PTPN14: variants seen among roughly 807,000 people sequenced by gnomAD.
PTPN14 encodes tyrosine-protein phosphatase non-receptor type 14.
PTPN14 carries 53 observed loss-of-function variants against 126.8 expected under a neutral mutation model. The observed-to-expected ratio is 0.42, with a 90% CI of 0.34 to 0.53. PTPN14 has a LOEUF of 0.53. PTPN14 is among the 20% of genes least tolerant of loss of function. The pLI is 0.08. For synonymous variants in PTPN14, 630 were observed against 599.3 expected, an observed-to-expected ratio of 1.05 and a Z score of -0.75; for missense variants, 1,257 against 1,552.9, an observed-to-expected ratio of 0.81 and a Z score of 3.20.
intron 5 of PTPN14, among the ~76,000 whole-genome samples, chr1:214,405,850 T>C (rs1571979362): frequency 6.6e-6 from 1 of 152,170 alleles, no homozygotes; most frequent in African/African-American, 2.4e-5. Flanking sequence ...TTCTCATTTT[T>C]AGATGAGAAA....
rs900595270 is a variant in PTPN14, at chr1:214,354,716, C to T, written c.*3206G>A. On this transcript the variant is annotated 3_prime_UTR_variant, in exon 19 of 19. Transcript: ENST00000366956. Reference sequence around the variant, plus strand: ...ACCAAACAGTTCAACTGGAAAACCTCGAAAACAGCGGCTGGAAAATGTTTG... The same window carrying T: ...ACCAAACAGTTCAACTGGAAAACCTTGAAAACAGCGGCTGGAAAATGTTTG... The T allele has an allele frequency of 4.6e-5, 7 of 152,176 alleles. No homozygotes were observed. Among genetic ancestry groups the T allele is most frequent in the African/African-American group, 9.7e-5 (4 of 41,448 alleles). The allele number at this position is 152,176 out of a possible 1,614,324, so 9.4% of individuals were successfully genotyped here.
chr1:214,484,303 C>G (rs980729991), intron 1 of PTPN14, among the ~76,000 whole-genome samples: 1 of 152,174 alleles, frequency 6.6e-6, no homozygotes, highest in African/African-American at 2.4e-5. Context: ...CCTCAGGAAG[C>G]TGGGGCAAGA....
intron 3 of PTPN14, among the ~76,000 whole-genome samples, chr1:214,444,199 C>T (rs1006332190): frequency 4.6e-5 from 7 of 152,212 alleles, no homozygotes; most frequent in Non-Finnish European, 8.8e-5. Flanking sequence ...TCACATTGTA[C>T]ATTACATTAA....
Position 214,384,634 on chromosome 1 carries a change from G to C in PTPN14, c.1221C>G (p.Ser407=). ...GGATACTGAGGTTGGAGGATACAGG[G>C]GAGGCCTGGATGAAACTTTGCGAGC... The part of the protein sequence containing the change: ...LNCSQSFIQA[S]PVSSNLSIPG... The change falls in exon 13 of 19, where the codon TCC becomes TCG. Residue 407 remains serine (S), a synonymous_variant. Coordinates refer to ENST00000366956, the MANE Select transcript of PTPN14 (RefSeq NM_005401.5). This position sits in a 1 kb window ranked among gnomAD's most constrained non-coding sequence, Gnocchi z 5.3. The C allele has an allele frequency of 6.2e-7, 1 of 1,614,170 alleles. No homozygotes were observed. Among genetic ancestry groups the C allele is most frequent in the Non-Finnish European group, 8.5e-7 (1 of 1,180,032 alleles).
At chr1:214,413,148 A>G (rs1034427772) in intron 4 of PTPN14, among the ~76,000 whole-genome samples, 1 of 152,148 alleles carries the variant, frequency 6.6e-6, no homozygotes, top group African/African-American at 2.4e-5. Flanking sequence ...AAGTGCTGGG[A>G]TTATAGGCAT....
intron 1 of PTPN14, among the ~76,000 whole-genome samples, chr1:214,517,219 T>G (rs1655125597): frequency 6.6e-6 from 1 of 152,222 alleles, no homozygotes; most frequent in South Asian, 2.1e-4. Flanking sequence ...TCCATTTCTG[T>G]GAAGGCATGG....
chr1:214,463,475 C>G (rs1045615027), intron 2 of PTPN14, among the ~76,000 whole-genome samples: 1 of 152,146 alleles, frequency 6.6e-6, no homozygotes, highest in Non-Finnish European at 1.5e-5. Context: ...ATCACTGAAA[C>G]CAAAGTATAA....
intron 3 of PTPN14, among the ~76,000 whole-genome samples, chr1:214,449,092 C>T (rs922604740): frequency 7.5e-5 from 11 of 146,068 alleles, no homozygotes; most frequent in Non-Finnish European, 1.6e-4. Flanking sequence ...CTGCAAGCTC[C>T]GCCTCTTGGG....
At chr1:214,368,745 G>A (rs925405798) in intron 17 of PTPN14, among the ~76,000 whole-genome samples, 36 of 152,266 alleles carry the variant, frequency 2.4e-4, no homozygotes, top group African/African-American at 8.7e-4. Flanking sequence ...CAATTTGGGA[G>A]GCTGATGCGG....
chr1:214,485,598 C>T (rs1418484725), intron 1 of PTPN14, among the ~76,000 whole-genome samples: 1 of 152,214 alleles, frequency 6.6e-6, no homozygotes, highest in Non-Finnish European at 1.5e-5. Context: ...ACCTAGACTT[C>T]CAACTCCTCA....
At chr1:214,478,542 G>GA (rs34423266) in intron 1 of PTPN14, among the ~76,000 whole-genome samples, 23 of 150,846 alleles carry the variant, frequency 1.5e-4, no homozygotes, top group Admixed American at 2.6e-4. Flanking sequence ...ATTGTATTTG[G>GA]AAAAAAAACA....
rs368077833 is a variant in PTPN14 at position 214,384,556 on chromosome 1, C to G, written c.1299G>C (p.Ala433=). The part of the protein sequence containing the change: ...ADYIPSHRHS[A]IIVPSYRPTP... ...TTGGCCTGTACGAGGGCACGATGAT[C>G]GCGCTGTGCCGGTGGCTCGGGATGT... The change falls in exon 13 of 19, where the codon GCG becomes GCC. Residue 433 remains alanine (A), a synonymous_variant. Transcript: ENST00000366956. The surrounding 1 kb of genome is among the most constrained non-coding windows in gnomAD (Gnocchi z 5.3). 2 of 1,614,084 alleles carry G rather than the reference C, an allele frequency of 1.2e-6. No homozygotes were observed. Among genetic ancestry groups the G allele is most frequent in the South Asian group, 1.1e-5 (1 of 91,070 alleles).
intron 1 of PTPN14, among the ~76,000 whole-genome samples, chr1:214,494,794 G>T (rs978152423): frequency 6.6e-6 from 1 of 152,196 alleles, no homozygotes; most frequent in Admixed American, 6.5e-5. Context: ...GGGAGAGAAG[G>T]GGGAAGGGCA....
chr1:214,378,097 T>C lies in PTPN14; in HGVS notation c.2550A>G (p.Leu850=). The change falls in exon 14 of 19, where the codon CTA becomes CTG. Residue 850 remains leucine, a synonymous_variant. Coordinates refer to ENST00000366956, the MANE Select transcript of PTPN14 (RefSeq NM_005401.5). Reference sequence around the variant, plus strand: ...CCAGGCCTGCCATCTTCTGCTTCTCTAGATTCTTGCGGCAAGAAAAGGCAT... The same window carrying C: ...CCAGGCCTGCCATCTTCTGCTTCTCCAGATTCTTGCGGCAAGAAAAGGCAT... ...IIEREMMIRN[L]EKQKMAGLEA... 6.2e-7 allele frequency: 1 copy of C among 1,608,360 alleles called. No homozygotes were observed. The highest frequency in any genetic ancestry group is 8.5e-7 in the Non-Finnish European group (1 of 1,178,882).
intron 1 of PTPN14, among the ~76,000 whole-genome samples, chr1:214,477,862 T>C (rs545156524): frequency 6.6e-6 from 1 of 152,290 alleles, no homozygotes; most frequent in Admixed American, 6.5e-5. Context: ...CTGTACAGAG[T>C]AAACCTAATT....
In PTPN14 at chr1:214,454,064, G is replaced by A. The variant is rs373061214; in HGVS notation, c.175-2090C>T. Among the ~76,000 whole-genome samples the A allele has an allele frequency of 9.9e-5, 15 of 152,278 alleles. No homozygotes were observed. The East Asian group carries it at 2.3e-3, about 24-fold the overall frequency. On this transcript the variant is annotated intron_variant, in intron 2 of 18. Transcript: ENST00000366956. ...TCCTGTATGGAACACAGGGCTGTATGAGGGTATTCCACGGTATTTTGGATG... is the reference window on the plus strand; with the variant it reads ...TCCTGTATGGAACACAGGGCTGTATAAGGGTATTCCACGGTATTTTGGATG...
intron 1 of PTPN14, among the ~76,000 whole-genome samples, chr1:214,504,623 G>A (rs569070570): frequency 2.0e-5 from 3 of 152,198 alleles, no homozygotes; most frequent in African/African-American, 4.8e-5. Context: ...CCATGAAATC[G>A]TACTAAGACA....
chr1:214,468,743 A>T (rs1334045330), intron 1 of PTPN14, among the ~76,000 whole-genome samples: 2 of 152,132 alleles, frequency 1.3e-5, no homozygotes, highest in African/African-American at 2.4e-5. Flanking sequence ...TCAAAAGTTA[A>T]AAAGAAGGCA....
intron 2 of PTPN14, among the ~76,000 whole-genome samples, chr1:214,458,142 C>T (rs1472641616): frequency 2.6e-5 from 4 of 152,074 alleles, no homozygotes; most frequent in Non-Finnish European, 5.9e-5. Flanking sequence ...CTCATTCTCC[C>T]GAGCTCAAGG....
Sources: allele counts gnomAD v4.1 joint callset (sites outside exome capture counted in the v4.1 genomes callset), GRCh38; gene constraint gnomAD v4.1.1; non-coding constraint Gnocchi (gnomAD v3.1); transcripts MANE v1.5; gene names NCBI Gene and HGNC (gene_info 2026-07-23, HGNC 2026-07-21).